The following CTNNA2 variants were observed in gnomAD, a reference collection of about 807,000 sequenced individuals.
CTNNA2 encodes catenin alpha-2.
Under a neutral mutation model 101.0 loss-of-function variants are expected in CTNNA2, and 42 were observed. The ratio of observed to expected loss-of-function variants is 0.42; its 90% CI spans 0.32 to 0.54. The LOEUF is 0.54. Among genes scored for constraint, CTNNA2 ranks in the 20% least tolerant of loss-of-function variants. CTNNA2 has a pLI of 0.14. For synonymous variants in CTNNA2, 450 were observed against 456.4 expected, an observed-to-expected ratio of 0.99 and a Z score of 0.18; for missense variants, 871 against 1,223.1, an observed-to-expected ratio of 0.71 and a Z score of 4.29.
intron 3 of CTNNA2, among the ~76,000 whole-genome samples, chr2:79,839,661 C>T (rs1428116362): frequency 1.3e-5 from 2 of 151,716 alleles, no homozygotes; most frequent in Non-Finnish European, 2.9e-5. Flanking sequence ...CAGCTATCTT[C>T]TAGTTTTTTT....
chr2:80,206,410 A>T (rs968097874), intron 7 of CTNNA2, among the ~76,000 whole-genome samples: 1 of 152,234 alleles, frequency 6.6e-6, no homozygotes, highest in Non-Finnish European at 1.5e-5. Context: ...AACTGAATAT[A>T]TGACTTGCAC....
chr2:80,305,198 G>A (rs573891449), intron 7 of CTNNA2: 1 of 985,198 alleles, frequency 1.0e-6, no homozygotes, highest in South Asian at 4.7e-5. Flanking sequence ...TCCCCCTCTT[G>A]CGGGTACTGG....
intron 3 of CTNNA2, among the ~76,000 whole-genome samples, chr2:79,789,420 T>C (rs980468662): frequency 6.6e-6 from 1 of 152,088 alleles, no homozygotes; most frequent in Admixed American, 6.6e-5. Context: ...ACAAAGGACA[T>C]TGTGACCAGA....
chr2:79,494,587 A>C (rs1026094131), intron 4 of CTNNA2, among the ~76,000 whole-genome samples: 1 of 152,196 alleles, frequency 6.6e-6, no homozygotes, highest in African/African-American at 2.4e-5. Context: ...TGTTACTAGA[A>C]ACAATGCATA....
chr2:79,434,091 C>T (rs992551881), intron 4 of CTNNA2, among the ~76,000 whole-genome samples: 5 of 151,844 alleles, frequency 3.3e-5, no homozygotes, highest in African/African-American at 9.7e-5. Flanking sequence ...CCCAGGATTT[C>T]GAGACCAGCC....
chr2:79,570,604 T>C (rs1353608552), intron 1 of CTNNA2, among the ~76,000 whole-genome samples: 2 of 152,114 alleles, frequency 1.3e-5, no homozygotes, highest in South Asian at 2.1e-4. Flanking sequence ...AGAACACTTT[T>C]ATAAAGAGGA....
At chr2:80,347,819 A>G (rs1672889365) in intron 7 of CTNNA2, among the ~76,000 whole-genome samples, 1 of 148,320 alleles carries the variant, frequency 6.7e-6, no homozygotes, top group African/African-American at 2.5e-5. Flanking sequence ...TTTGCACATT[A>G]TCTTTTCCTT....
intron 7 of CTNNA2, among the ~76,000 whole-genome samples, chr2:80,292,913 T>C (rs1015537895): frequency 6.6e-6 from 1 of 152,214 alleles, no homozygotes; most frequent in African/African-American, 2.4e-5. Flanking sequence ...GCTCTTTTTT[T>C]TGTACCTTTA....
chr2:79,544,007 C>T (rs959578601), intron 1 of CTNNA2, among the ~76,000 whole-genome samples: 7 of 151,832 alleles, frequency 4.6e-5, no homozygotes, highest in Non-Finnish European at 8.8e-5. Flanking sequence ...GGTATGATCT[C>T]GGGTCGCTGC....
chr2:79,749,821 TA>T (rs1161119381), intron 3 of CTNNA2, among the ~76,000 whole-genome samples: 3 of 152,176 alleles, frequency 2.0e-5, no homozygotes, highest in Non-Finnish European at 2.9e-5. Flanking sequence ...CACAGGGGAT[TA>T]AAAAAACGCT....
intron 8 of CTNNA2, among the ~76,000 whole-genome samples, chr2:80,397,795 G>A (rs1474423214): frequency 6.6e-6 from 1 of 152,206 alleles, no homozygotes; most frequent in Non-Finnish European, 1.5e-5. Flanking sequence ...GGAAGCTGCA[G>A]CCAGGCAATC....
In CTNNA2 at chr2:79,477,542, A is replaced by C. The variant is rs550809028; in HGVS notation, c.-134-27512A>C. Among the ~76,000 whole-genome samples, 10 of 152,222 alleles carry C rather than the reference A, an allele frequency of 6.6e-5. No homozygotes were observed. The South Asian group carries it at 2.1e-3, about 32-fold the overall frequency. ...TTCTGGTGTTTGTGGTTGTGTGTGG[A>C]TGTGTGAATAAAGGAGAAAAAAATG... On this transcript the variant is annotated intron_variant, in intron 4 of 21. Coordinates refer to the CTNNA2 transcript ENST00000466387.
intron 3 of CTNNA2, among the ~76,000 whole-genome samples, chr2:79,754,053 G>C (rs1198853330): frequency 2.6e-5 from 4 of 151,860 alleles, no homozygotes; most frequent in African/African-American, 9.7e-5. Flanking sequence ...ATTTCTAGTA[G>C]AGACAGGGTT....
At chr2:80,139,089 TC>T (rs1573197547) in intron 7 of CTNNA2, among the ~76,000 whole-genome samples, 1 of 152,178 alleles carries the variant, frequency 6.6e-6, no homozygotes, top group East Asian at 1.9e-4. Context: ...ATTGTTCTCA[TC>T]ATGATTATTA....
chr2:79,378,367 T>C (rs1027078493), intron 4 of CTNNA2, among the ~76,000 whole-genome samples: 3 of 152,124 alleles, frequency 2.0e-5, no homozygotes, highest in African/African-American at 7.2e-5. Flanking sequence ...TATGTAAATA[T>C]TGTGTAAATA....
At chr2:79,570,921 TA>T (rs1675425464) in intron 1 of CTNNA2, among the ~76,000 whole-genome samples, 1 of 152,170 alleles carries the variant, frequency 6.6e-6, no homozygotes, top group African/African-American at 2.4e-5. Flanking sequence ...AAAGTATGTA[TA>T]TTGTTTACAT....
At chr2:79,794,944 T>A (rs1399592942) in intron 3 of CTNNA2, among the ~76,000 whole-genome samples, 1 of 152,242 alleles carries the variant, frequency 6.6e-6, no homozygotes, top group Non-Finnish European at 1.5e-5. Flanking sequence ...ACAACCTTAA[T>A]ATTTGTAGGG....
intron 7 of CTNNA2, among the ~76,000 whole-genome samples, chr2:80,203,582 T>C (rs925946565): frequency 2.6e-5 from 4 of 152,224 alleles, no homozygotes. Context: ...CCTATAGTCT[T>C]TGGCACCTCC....
chr2:79,616,306 A>G (rs1678611632), intron 1 of CTNNA2, among the ~76,000 whole-genome samples: 1 of 152,190 alleles, frequency 6.6e-6, no homozygotes, highest in African/African-American at 2.4e-5. Context: ...TCCTAAAATC[A>G]TTATGCATAT....
Sources: allele counts gnomAD v4.1 joint callset (sites outside exome capture counted in the v4.1 genomes callset), GRCh38; gene constraint gnomAD v4.1.1; transcripts MANE v1.5; gene names NCBI Gene and HGNC (gene_info 2026-07-23, HGNC 2026-07-21).